The following SEC24A variants were observed in gnomAD, a reference collection of about 807,000 sequenced individuals.
The protein encoded by SEC24A is protein transport protein Sec24A.
In SEC24A, 93 loss-of-function variants were observed where a neutral mutation model predicts 129.4. That is an observed-to-expected ratio of 0.72 (90% confidence interval 0.61 to 0.85). The LOEUF is 0.85. Among genes scored for constraint, SEC24A ranks in the 40% least tolerant of loss-of-function variants. SEC24A has a pLI of 0.00. For missense variants in SEC24A, 1,264 were observed against 1,307.4 expected, an observed-to-expected ratio of 0.97 and a Z score of 0.51; for synonymous variants, 460 against 467.3, an observed-to-expected ratio of 0.98 and a Z score of 0.20.
At chr5:134,678,020 A>G (rs992624292) in intron 7 of SEC24A, among the ~76,000 whole-genome samples, 2 of 151,780 alleles carry the variant, frequency 1.3e-5, no homozygotes, top group South Asian at 4.2e-4. Flanking sequence ...ATTTACTGTT[A>G]TTTATTTATT....
intron 13 of SEC24A, among the ~76,000 whole-genome samples, chr5:134,695,992 T>G (rs1580721936): frequency 7.0e-6 from 1 of 142,326 alleles, no homozygotes; most frequent in African/African-American, 2.6e-5. Flanking sequence ...AGTGGCCAGG[T>G]GTGGTGGCTC....
At chr5:134,716,596 G>A (rs996487808) in intron 19 of SEC24A, among the ~76,000 whole-genome samples, 9 of 151,086 alleles carry the variant, frequency 6.0e-5, no homozygotes, top group Middle Eastern at 3.2e-3. Context: ...TCAGGAGTTC[G>A]AGACCAGCCT....
intron 8 of SEC24A, among the ~76,000 whole-genome samples, chr5:134,681,088 G>C (rs781427807): frequency 6.8e-6 from 1 of 147,300 alleles, no homozygotes; most frequent in Non-Finnish European, 1.5e-5. Context: ...GACAGAGCGA[G>C]ACTCTGTCTC....
intron 20 of SEC24A, among the ~76,000 whole-genome samples, chr5:134,719,377 GT>G (rs1447767198): frequency 4.6e-5 from 6 of 131,572 alleles, no homozygotes; most frequent in Non-Finnish European, 1.6e-5. Context: ...CTGATACCTA[GT>G]CTCAAAAAAA....
chr5:134,677,168 C>G (rs1483595749), intron 7 of SEC24A, among the ~76,000 whole-genome samples: 1 of 151,970 alleles, frequency 6.6e-6, no homozygotes, highest in Non-Finnish European at 1.5e-5. Flanking sequence ...TTGCTTGGGT[C>G]TATGAGTTCA....
At chr5:134,656,324 C>T (rs1214152024) in intron 1 of SEC24A, among the ~76,000 whole-genome samples, 2 of 151,958 alleles carry the variant, frequency 1.3e-5, no homozygotes, top group Non-Finnish European at 2.9e-5. Context: ...ATGATCTGCC[C>T]GCCTTGACCT....
Position 134,666,897 on chromosome 5 carries a change from C to T in SEC24A, c.640C>T (p.Pro214Ser), listed in dbSNP as rs1271153723. The T allele has an allele frequency of 6.2e-7, 1 of 1,613,928 alleles. No individual in the cohort carries two copies. The highest frequency in any genetic ancestry group is 1.3e-5 in the African/African-American group (1 of 75,032). ...FQPGAPHGPP[P>S]AGGPPPVRAL... ...ACCAGGAGCTCCTCATGGGCCCCCTCCAGCTGGAGGCCCACCCCCAGTGAG... is the reference window on the plus strand; with the variant it reads ...ACCAGGAGCTCCTCATGGGCCCCCTTCAGCTGGAGGCCCACCCCCAGTGAG... Residue 214 changes from proline to serine, a missense_variant, in exon 3 of 23, where the codon CCA becomes TCA. By Grantham distance (74) the Pro-to-Ser change is moderately conservative. Transcript: ENST00000398844.
chr5:134,702,874 C>T (rs994674182), intron 15 of SEC24A, among the ~76,000 whole-genome samples: 14 of 151,908 alleles, frequency 9.2e-5, no homozygotes, highest in African/African-American at 3.1e-4. Context: ...AAGCGATTCT[C>T]CTGCCTCAAC....
intron 12 of SEC24A, 30 bp from the exon 13 acceptor site, chr5:134,693,697 C>A (rs1227665041): frequency 6.2e-7 from 1 of 1,606,110 alleles, no homozygotes; most frequent in South Asian, 1.1e-5. Context: ...TTAATTATGA[C>A]ACTTGAGTTT....
intron 15 of SEC24A, among the ~76,000 whole-genome samples, chr5:134,699,619 T>A (rs923945373): frequency 6.6e-6 from 1 of 152,002 alleles, no homozygotes; most frequent in Non-Finnish European, 1.5e-5. Flanking sequence ...ATTTTTTAAT[T>A]GTACAGTGGC....
At chr5:134,696,510 A>T (rs1026664463) in intron 13 of SEC24A, among the ~76,000 whole-genome samples, 6 of 151,872 alleles carry the variant, frequency 4.0e-5, no homozygotes, top group African/African-American at 7.3e-5. Flanking sequence ...ACATATATAT[A>T]TTTTTTCAGA....
Position 134,708,840 on chromosome 5 carries a change from T to G in SEC24A, c.2679T>G (p.Pro893=). ...ACCAGCAGCCTGGACTCATGGTTCC[T>G]TTTTCTTTGCGGCTTTTCCCACTTT... ...LSNQQPGLMV[P]FSLRLFPLFV... Residue 893 remains proline (P), a synonymous_variant, in exon 18 of 23, where the codon CCT becomes CCG. Coordinates refer to ENST00000398844, the MANE Select transcript of SEC24A (RefSeq NM_021982.3). The G allele has an allele frequency of 1.2e-6, 2 of 1,613,648 alleles. No individual in the cohort carries two copies. The highest frequency in any genetic ancestry group is 1.7e-6 in the Non-Finnish European group (2 of 1,179,862).
intron 9 of SEC24A, among the ~76,000 whole-genome samples, chr5:134,683,115 C>T (rs891163313): frequency 7.2e-5 from 11 of 152,014 alleles, no homozygotes; most frequent in East Asian, 1.9e-4. Context: ...CTCCGCCTCC[C>T]GGGTTCAAGC....
intron 4 of SEC24A, 89 bp from the exon 5 acceptor site, chr5:134,674,526 C>A (rs1750983107): frequency 1.6e-5 from 19 of 1,217,806 alleles, no homozygotes; most frequent in Non-Finnish European, 2.2e-5. Context: ...AATAGTGAGA[C>A]CCTTTCTCCA....
intron 18 of SEC24A, among the ~76,000 whole-genome samples, chr5:134,713,661 G>A (rs779557494): frequency 5.9e-5 from 9 of 151,974 alleles, no homozygotes; most frequent in Non-Finnish European, 1.0e-4. Context: ...CAGTGTACTT[G>A]TTTTAATACG....
chr5:134,699,301 C>CGTTTTTTTTTTTTTTTTTT (rs1429369613), intron 15 of SEC24A, among the ~76,000 whole-genome samples: 3 of 138,366 alleles, frequency 2.2e-5, no homozygotes, highest in African/African-American at 8.3e-5. Context: ...CCATTTTATC[C>CGTTTTTTTTTTTTTTTTTT]TTTTTTTTTT....
intron 8 of SEC24A, among the ~76,000 whole-genome samples, chr5:134,680,521 T>C (rs1269161939): frequency 6.6e-6 from 1 of 151,234 alleles, no homozygotes; most frequent in Non-Finnish European, 1.5e-5. Context: ...TTAGTAGGGG[T>C]GGAGTTTCAC....
intron 1 of SEC24A, among the ~76,000 whole-genome samples, chr5:134,659,561 C>T (rs1750375965): frequency 6.6e-6 from 1 of 151,714 alleles, no homozygotes; most frequent in East Asian, 1.9e-4. Flanking sequence ...AATAGTTACT[C>T]ACAATAGGTC....
In SEC24A at chr5:134,686,603, A is replaced by G. The variant is rs115268940; in HGVS notation, c.1492-187A>G. ...AGAAAACACTCTTCTGAATTACGGC[A>G]ATCACAGACTCATTTTTCCTTTAAG... On this transcript the variant is annotated intron_variant, in intron 9 of 22. Coordinates refer to ENST00000398844, the MANE Select transcript of SEC24A (RefSeq NM_021982.3). 8.5e-3 allele frequency among the ~76,000 whole-genome samples: 1,296 copies of G among 152,276 alleles called. 22 individuals are homozygous for G. The highest frequency in any genetic ancestry group is 0.03 in the African/African-American group (1,247 of 41,558).
Sources: allele counts gnomAD v4.1 joint callset (sites outside exome capture counted in the v4.1 genomes callset), GRCh38; gene constraint gnomAD v4.1.1; transcripts MANE v1.5; gene names NCBI Gene and HGNC (gene_info 2026-07-23, HGNC 2026-07-21).